Variants in NAV3 observed in about 807,000 individuals in gnomAD.
The protein encoded by NAV3 is pore membrane and/or filament interacting like protein 1.
In NAV3, 87 loss-of-function variants were observed where a neutral mutation model predicts 244.7. The ratio of observed to expected loss-of-function variants is 0.36; its 90% CI spans 0.30 to 0.42. NAV3 has a LOEUF of 0.42. Among genes scored for constraint, NAV3 ranks in the 20% least tolerant of loss-of-function variants. NAV3 has a pLI of 1.00. For missense variants in NAV3, 2,663 were observed against 2,893.3 expected (o/e 0.92, Z 1.83); for synonymous variants, 1,126 against 1,042.2 (o/e 1.08, Z -1.55).
intron 3 of NAV3, among the ~76,000 whole-genome samples, chr12:77,961,381 T>C (rs1178480112): frequency 6.9e-5 from 4 of 58,242 alleles, no homozygotes; most frequent in South Asian, 8.9e-4. Flanking sequence ...AATATATTAA[T>C]ATAAATACAT....
At chr12:77,589,450 GA>G (rs1407534791) in intron 2 of NAV3, among the ~76,000 whole-genome samples, 1 of 152,110 alleles carries the variant, frequency 6.6e-6, no homozygotes, top group Non-Finnish European at 1.5e-5. Flanking sequence ...GATAATTTAT[GA>G]AGGAAAGAGG....
At chr12:77,740,493 C>G (rs1235889777) in intron 2 of NAV3, among the ~76,000 whole-genome samples, 1 of 151,376 alleles carries the variant, frequency 6.6e-6, no homozygotes, top group Non-Finnish European at 1.5e-5. Context: ...GGTGGTGGGC[C>G]AGTTACTCCA....
chr12:77,853,371 G>C (rs957675142), intron 1 of NAV3, among the ~76,000 whole-genome samples: 26 of 152,116 alleles, frequency 1.7e-4, no homozygotes, highest in Non-Finnish European at 1.5e-5. Flanking sequence ...AACATTTTCT[G>C]CACATGAGTC....
At chr12:77,906,014 T>C (rs931621649) in intron 1 of NAV3, among the ~76,000 whole-genome samples, 9 of 152,128 alleles carry the variant, frequency 5.9e-5, no homozygotes, top group Admixed American at 5.2e-4. Flanking sequence ...AAAGGTGAAC[T>C]TCTGATCTAA....
At chr12:77,955,671 A>G (rs147560445) in intron 3 of NAV3, among the ~76,000 whole-genome samples, 336 of 152,150 alleles carry the variant, frequency 2.2e-3, no homozygotes, top group African/African-American at 7.4e-3. Flanking sequence ...GGAGTCCAAG[A>G]CCAGCCTGGC....
intron 31 of NAV3, 139 bp downstream of exon 31, chr12:78,185,837 C>A: frequency 1.5e-6 from 1 of 662,422 alleles, no homozygotes; most frequent in Non-Finnish European, 2.5e-6. Context: ...GTCATACAAA[C>A]ATGAAAAGGA....
intron 2 of NAV3, among the ~76,000 whole-genome samples, chr12:77,767,963 T>C (rs1869865696): frequency 1.3e-5 from 2 of 152,096 alleles, no homozygotes; most frequent in Non-Finnish European, 2.9e-5. Context: ...AACTGGAGGG[T>C]GAGCAAGGTG....
intron 31 of NAV3, among the ~76,000 whole-genome samples, chr12:78,186,525 G>C (rs1372168423): frequency 1.3e-5 from 2 of 151,830 alleles, no homozygotes; most frequent in East Asian, 3.9e-4. Context: ...CTTTATGTGA[G>C]AGACAGTAAT....
intron 2 of NAV3, among the ~76,000 whole-genome samples, chr12:77,600,209 T>C (rs1870361011): frequency 6.6e-6 from 1 of 152,098 alleles, no homozygotes; most frequent in South Asian, 2.1e-4. Flanking sequence ...AAATATTTAG[T>C]ACCTGGACCA....
At chr12:77,871,852 G>A (rs1360154093) in intron 1 of NAV3, among the ~76,000 whole-genome samples, 1 of 152,138 alleles carries the variant, frequency 6.6e-6, no homozygotes, top group African/African-American at 2.4e-5. Context: ...AGATCCTTGA[G>A]GAATTGCCCC....
chr12:77,917,825 A>G (rs573638520), intron 1 of NAV3, among the ~76,000 whole-genome samples: 2 of 152,184 alleles, frequency 1.3e-5, no homozygotes, highest in South Asian at 4.1e-4. Flanking sequence ...CCCAAATTAA[A>G]TACTTTCTAT....
At chr12:78,115,421 C>G (rs1955326160) in intron 12 of NAV3, among the ~76,000 whole-genome samples, 1 of 152,136 alleles carries the variant, frequency 6.6e-6, no homozygotes, top group South Asian at 2.1e-4. Context: ...TGTGGTCCAC[C>G]TTTTCATTGT....
intron 22 of NAV3, among the ~76,000 whole-genome samples, chr12:78,157,830 G>T (rs1957369933): frequency 6.6e-6 from 1 of 151,400 alleles, no homozygotes; most frequent in South Asian, 2.1e-4. Context: ...AGAAGGAAGA[G>T]GGAAGGAATG....
intron 1 of NAV3, among the ~76,000 whole-genome samples, chr12:77,890,430 G>A (rs772709001): frequency 6.6e-6 from 1 of 151,834 alleles, no homozygotes; most frequent in Non-Finnish European, 1.5e-5. Flanking sequence ...TGAATTTTTT[G>A]ATGAATGCAT....
intron 2 of NAV3, among the ~76,000 whole-genome samples, chr12:77,823,762 C>G (rs1872844751): frequency 1.3e-5 from 2 of 151,948 alleles, no homozygotes; most frequent in Non-Finnish European, 2.9e-5. Context: ...GACTCATATC[C>G]AGGAGGGAAA....
intron 16 of NAV3, among the ~76,000 whole-genome samples, chr12:78,124,791 T>A (rs1955836395): frequency 6.6e-6 from 1 of 151,924 alleles, no homozygotes; most frequent in South Asian, 2.1e-4. Flanking sequence ...TATTCCTACA[T>A]TAAAATGGCC....
intron 5 of NAV3, among the ~76,000 whole-genome samples, chr12:77,978,312 G>T (rs1593178825): frequency 6.6e-6 from 1 of 152,012 alleles, no homozygotes; most frequent in East Asian, 1.9e-4. Context: ...TGTGACTCAT[G>T]ATAACTAATT....
chr12:78,091,634 A>G (rs1406554993), intron 12 of NAV3: 1 of 151,058 alleles, frequency 6.6e-6, no homozygotes, highest in Non-Finnish European at 1.5e-5. Context: ...GTCTCTACTA[A>G]AAATACAAAA....
intron 2 of NAV3, among the ~76,000 whole-genome samples, chr12:77,781,116 G>T (rs922361729): frequency 6.6e-6 from 1 of 152,174 alleles, no homozygotes; most frequent in African/African-American, 2.4e-5. Flanking sequence ...TCACAAGGCT[G>T]CAATGAAGGT....
Sources: allele counts gnomAD v4.1 joint callset (sites outside exome capture counted in the v4.1 genomes callset), GRCh38; gene constraint gnomAD v4.1.1; transcripts MANE v1.5; gene names NCBI Gene and HGNC (gene_info 2026-07-23, HGNC 2026-07-21).